Variants in ADGRG1 observed in about 807,000 individuals in gnomAD.
ADGRG1 encodes adhesion G protein-coupled receptor G1.
In ADGRG1, 53 loss-of-function variants were observed where a neutral mutation model predicts 73.5. The ratio of observed to expected loss-of-function variants is 0.72; its 90% CI spans 0.58 to 0.91. The LOEUF is 0.91. Among genes scored for constraint, ADGRG1 ranks in the 40% least tolerant of loss-of-function variants. The probability of loss-of-function intolerance (pLI) is 0.00; values close to 1 mark genes in which losing one functional copy is unlikely to be tolerated. For missense variants in ADGRG1, 795 were observed against 871.8 expected, an observed-to-expected ratio of 0.91 and a Z score of 1.11; for synonymous variants, 394 against 374.4, an observed-to-expected ratio of 1.05 and a Z score of -0.60.
chr16:57,644,839 A>T (rs1272049300), intron 1 of ADGRG1, among the ~76,000 whole-genome samples: 4 of 129,014 alleles, frequency 3.1e-5, no homozygotes, highest in African/African-American at 1.2e-4. Context: ...CACTGATCAC[A>T]CTCATGCAGG....
At chr16:57,626,786 C>T (rs551381312), upstream of ADGRG1, 290 of 984,930 alleles carry the variant, frequency 2.9e-4, no homozygotes, top group Non-Finnish European at 3.4e-4. Context: ...TGAGGCTGCC[C>T]GGGTTACCAG....
chr16:57,659,652 A>G lies in ADGRG1; in HGVS notation c.1526A>G (p.Tyr509Cys). The stretch of plus-strand genomic sequence containing the variant: ...GTCTTTGGCACCTATGTCCCTGGCT[A>G]CCTACTCAAGCTGAGCGCCATGGGC... ...VEVFGTYVPG[Y>C]LLKLSAMGWG... The change falls in exon 11 of 14, where the codon TAC (tyrosine) becomes TGC (cysteine). Residue 509 changes from tyrosine to cysteine, a missense_variant. Tyr to Cys is a radical substitution (Grantham distance 194, BLOSUM62 -2). Transcript: ENST00000562631. 1.2e-6 allele frequency: 2 copies of G among 1,613,800 alleles called. No homozygotes were observed. Among genetic ancestry groups the G allele is most frequent in the Non-Finnish European group, 1.7e-6 (2 of 1,179,950 alleles).
chr16:57,625,427 C>T (rs533035921), upstream of ADGRG1: 10 of 200,918 alleles, frequency 5.0e-5, no homozygotes, highest in African/African-American at 1.9e-4. Flanking sequence ...CTTCACTTGT[C>T]GGGTTGTGGG....
intron 2 of ADGRG1, chr16:57,650,573 C>T (rs575540941): frequency 3.5e-5 from 8 of 226,574 alleles, no homozygotes; most frequent in Non-Finnish European, 5.9e-5. Flanking sequence ...TGGCCCCACT[C>T]ACCTCTGCAG....
upstream of ADGRG1, chr16:57,625,660 C>T (rs1476459789): frequency 4.1e-6 from 4 of 984,582 alleles, no homozygotes; most frequent in Non-Finnish European, 4.8e-6. Flanking sequence ...AATACACATT[C>T]AGATTCAGCA....
chr16:57,650,308 G>A lies in ADGRG1; in HGVS notation c.21G>A (p.Leu7=), dbSNP rs1186149165. 2 of 1,613,636 alleles carry A rather than the reference G, an allele frequency of 1.2e-6. No homozygotes were observed. The highest frequency in any genetic ancestry group is 1.7e-6 in the Non-Finnish European group (2 of 1,179,534). Reference sequence around the variant, plus strand: ...GGAAAATGACTCCCCAGTCGCTGCTGCAGACGACACTGTTCCTGCTGAGTC... The same window carrying A: ...GGAAAATGACTCCCCAGTCGCTGCTACAGACGACACTGTTCCTGCTGAGTC... The part of the protein sequence containing the change: MTPQSL[L]QTTLFLLSLL... Residue 7 remains leucine (L), a synonymous_variant, in exon 2 of 14, where the codon CTG becomes CTA. Coordinates refer to ENST00000562631, the MANE Select transcript of ADGRG1 (RefSeq NM_201525.4).
At chr16:57,623,245 G>A (rs752094407), upstream of ADGRG1, 69 of 985,148 alleles carry the variant, frequency 7.0e-5, no homozygotes, top group Non-Finnish European at 8.0e-5. Context: ...TCCGGGGGTG[G>A]GGTGGATAGA....
At chr16:57,629,706 C>T (rs769601320) in intron 1 of ADGRG1, among the ~76,000 whole-genome samples, 4 of 152,296 alleles carry the variant, frequency 2.6e-5, no homozygotes, top group Admixed American at 6.5e-5. Flanking sequence ...GACGGGGAAG[C>T]GCAGGCTGCG....
chr16:57,636,199 G>A (rs1477533003), intron 1 of ADGRG1: 1 of 985,354 alleles, frequency 1.0e-6, no homozygotes, highest in Non-Finnish European at 1.2e-6. Context: ...CCACAGGAGT[G>A]GGCCTTTGAG....
chr16:57,647,772 T>G (rs2043047689), intron 1 of ADGRG1: 1 of 983,050 alleles, frequency 1.0e-6, no homozygotes, highest in South Asian at 4.7e-5. Flanking sequence ...TGAGGTGGAG[T>G]GGGGATGACT....
At chr16:57,647,834 T>A in intron 1 of ADGRG1, 3 of 929,072 alleles carry the variant, frequency 3.2e-6, no homozygotes, top group Non-Finnish European at 3.9e-6. Flanking sequence ...ATTTCTTCCG[T>A]GGAACCCCAT....
intron 1 of ADGRG1, among the ~76,000 whole-genome samples, chr16:57,649,538 A>G (rs1191189285): frequency 6.6e-6 from 1 of 152,040 alleles, no homozygotes; most frequent in Non-Finnish European, 1.5e-5. Context: ...ATAGGGAGGT[A>G]GCTGGGGAGA....
At chr16:57,653,182 G>A in intron 3 of ADGRG1, 21 bp from the exon 4 acceptor site, 1 of 1,605,104 alleles carries the variant, frequency 6.2e-7, no homozygotes, top group Non-Finnish European at 8.5e-7. Flanking sequence ...CTCGGCGGGG[G>A]CCTGTCCACC....
chr16:57,660,665 C>A (rs2046867301), intron 11 of ADGRG1, 103 bp from the exon 12 acceptor site: 1 of 1,522,328 alleles, frequency 6.6e-7, no homozygotes, highest in Non-Finnish European at 8.9e-7. Flanking sequence ...TTCAGGAGCC[C>A]AAACTTCAGA....
chr16:57,633,216 A>G (rs749355231), intron 1 of ADGRG1: 75 of 676,982 alleles, frequency 1.1e-4, no homozygotes, highest in Non-Finnish European at 1.3e-4. Context: ...AAGTGGCTGC[A>G]AAGTATGTAC....
chr16:57,647,895 C>A, intron 1 of ADGRG1: 1 of 376,882 alleles, frequency 2.7e-6, no homozygotes, highest in Non-Finnish European at 3.7e-6. Context: ...TCTACCTGTA[C>A]TCCCCTCCTT....
intron 1 of ADGRG1, chr16:57,642,700 G>C (rs2041159894): frequency 1.1e-6 from 1 of 947,656 alleles, no homozygotes; most frequent in Admixed American, 6.2e-5. Flanking sequence ...TCATGGTAAA[G>C]ATGGGGAGAC....
In ADGRG1 at chr16:57,628,964, G is replaced by C. The variant is rs1001340980; in HGVS notation, c.-36+162G>C. Reference sequence around the variant, plus strand: ...AGCGTGAGAGTGTGAGAGTGTGTGAGTGTGAGTGTGTGAGAGTGAGTGAGA... The same window carrying C: ...AGCGTGAGAGTGTGAGAGTGTGTGACTGTGAGTGTGTGAGAGTGAGTGAGA... On this transcript the variant is annotated intron_variant, in intron 1 of 13. Transcript: ENST00000562631. 881 of 570,136 alleles carry C rather than the reference G, an allele frequency of 1.5e-3. 17 individuals are homozygous for C. Among genetic ancestry groups the C allele is most frequent in the Middle Eastern group, 4.4e-3 (5 of 1,142 alleles). The allele number at this position is 570,136 out of a possible 1,614,324, so 35.3% of individuals were successfully genotyped here. A position where few individuals can be genotyped will look rare whatever the true frequency, so the allele number is the denominator to read the frequency against.
intron 13 of ADGRG1, chr16:57,662,905 G>T (rs2047592477): frequency 1.0e-6 from 1 of 984,956 alleles, no homozygotes; most frequent in Non-Finnish European, 1.2e-6. Context: ...TCCCATACAG[G>T]GTCACCCTAG....
Sources: allele counts gnomAD v4.1 joint callset (sites outside exome capture counted in the v4.1 genomes callset), GRCh38; gene constraint gnomAD v4.1.1; transcripts MANE v1.5; gene names NCBI Gene and HGNC (gene_info 2026-07-23, HGNC 2026-07-21).